GZMM: variants seen among roughly 807,000 people sequenced by gnomAD.
GZMM encodes granzyme M.
In GZMM, 23 loss-of-function variants were observed where a neutral mutation model predicts 19.2. The ratio of observed to expected loss-of-function variants is 1.20; its 90% CI spans 0.86 to 1.69. GZMM has a LOEUF of 1.69. Ranked by LOEUF, GZMM falls within the 40% of genes most tolerant of loss-of-function variation. The pLI is 0.00. For synonymous variants in GZMM, 178 were observed against 160.2 expected (o/e 1.11, Z -0.84); for missense variants, 373 against 352.2 (o/e 1.06, Z -0.47).
Position 549,652 on chromosome 19 carries a change from T to C in GZMM, c.635T>C (p.Val212Ala). The change falls in exon 5 of 5, where the codon GTG (valine) becomes GCG (alanine). Residue 212 changes from valine to alanine, a missense_variant. Val to Ala is a moderately conservative substitution (Grantham distance 64, BLOSUM62 0). Coordinates refer to ENST00000264553, the MANE Select transcript of GZMM (RefSeq NM_005317.4). ...CAGGGTGACTCGGGCGGGCCCCTGG[T>C]GTGTGGCAAAGGCCGGGTGTTGGCC... ...PCKGDSGGPL[V>A]CGKGRVLARV... is the part of the protein sequence containing the mutation. 4 of 1,613,136 alleles carry C rather than the reference T, an allele frequency of 2.5e-6. No individual in the cohort carries two copies. Among genetic ancestry groups the C allele is most frequent in the Non-Finnish European group, 8.5e-7 (1 of 1,179,822 alleles).
rs772339249 is a variant in GZMM at position 548,569 on chromosome 19, G to GCTCCACACCCTGGACAGC, written c.242_259dup (p.Leu81_Ser86dup). 6.2e-7 allele frequency: 1 copy of GCTCCACACCCTGGACAGC among 1,613,360 alleles called. No homozygotes were observed. Among genetic ancestry groups the GCTCCACACCCTGGACAGC allele is most frequent in the Non-Finnish European group, 8.5e-7 (1 of 1,179,672 alleles). ...TGGCCCAGCTGAGGCTGGTGCTGGG[G>GCTCCACACCCTGGACAGC]CTCCACACCCTGGACAGCCCCGGTC... On this transcript the variant is annotated inframe_insertion, in exon 3 of 5. Coordinates refer to ENST00000264553, the MANE Select transcript of GZMM (RefSeq NM_005317.4).
chr19:549,245 C>T (rs537030596), intron 4 of GZMM, 60 bp downstream of exon 4: 3 of 1,478,674 alleles, frequency 2.0e-6, no homozygotes, highest in African/African-American at 2.8e-5. Flanking sequence ...GGGGCCAGGG[C>T]AGCCGCCGGG....
At position 549,759 on chromosome 19, in the gene GZMM, TG is replaced by T. The variant is rs1375759623; in HGVS notation, c.744del (p.Trp248Ter). ...VATAVAPYVS[W>X]IRKVTGRSA ...CACCGCTGTGGCGCCTTACGTGTCC[TG>T]GATCAGGAAGGTCACCGGCCGATCG... is the stretch of plus-strand genomic sequence containing the variant. On this transcript the variant is annotated frameshift_variant, in exon 5 of 5. Transcript: ENST00000264553. LOFTEE classifies it low-confidence loss of function (END_TRUNC). 2 of 1,613,082 alleles carry T rather than the reference TG, an allele frequency of 1.2e-6. No individual in the cohort carries two copies. The highest frequency in any genetic ancestry group is 1.7e-6 in the Non-Finnish European group (2 of 1,179,782).
chr19:546,464 C>A (rs943292966), intron 1 of GZMM, among the ~76,000 whole-genome samples: 7 of 148,454 alleles, frequency 4.7e-5, no homozygotes, highest in African/African-American at 1.7e-4. Flanking sequence ...TCGCTTGAAC[C>A]CAGGAGGCAG....
intron 1 of GZMM, 27 bp downstream of exon 1, chr19:544,153 G>C (rs1333902890): frequency 1.3e-6 from 2 of 1,541,976 alleles, no homozygotes; most frequent in Admixed American, 2.0e-5. Flanking sequence ...ATGCAGGGGG[G>C]ACACTGAGGC....
At chr19:549,217 G>A (rs1347753123) in intron 4 of GZMM, 32 bp downstream of exon 4, 1 of 1,542,250 alleles carries the variant, frequency 6.5e-7, no homozygotes, top group Non-Finnish European at 8.8e-7. Context: ...CTGGGGGAAT[G>A]AGGCTGGCGG....
In GZMM at chr19:549,689, C is replaced by T; in HGVS notation, c.672C>T (p.Ser224=). Residue 224 remains serine (S), a synonymous_variant, in exon 5 of 5, where the codon TCC becomes TCT. Coordinates refer to ENST00000264553, the MANE Select transcript of GZMM (RefSeq NM_005317.4). ...GCCGGGTGTTGGCCAGAGTCCTGTC[C>T]TTCAGCTCCAGGGTCTGCACTGACA... ...GKGRVLARVL[S]FSSRVCTDIF... is the part of the protein sequence containing the mutation. 3 of 1,613,806 alleles carry T rather than the reference C, an allele frequency of 1.9e-6. No individual in the cohort carries two copies. In the South Asian group the frequency reaches 3.3e-5, roughly 18 times the overall value.
chr19:548,677 G>A lies in GZMM; in HGVS notation c.348G>A (p.Gln116=). ...PALENDLALL[Q]LDGKVKPSRT... ...TGGAGAACGACCTCGCGCTGCTTCAGGTGTGCAGGGACGGGACAGGGAGAA... is the reference window on the plus strand; with the variant it reads ...TGGAGAACGACCTCGCGCTGCTTCAAGTGTGCAGGGACGGGACAGGGAGAA... Residue 116 remains glutamine, a splice_region_variant and synonymous_variant, in exon 3 of 5, where the codon CAG becomes CAA. Transcript: ENST00000264553. 1.9e-6 allele frequency: 3 copies of A among 1,612,212 alleles called. No homozygotes were observed. Among genetic ancestry groups the A allele is most frequent in the Middle Eastern group, 1.7e-4 (1 of 6,054 alleles).
chr19:545,147 A>C (rs1432082851), intron 1 of GZMM, among the ~76,000 whole-genome samples: 2 of 114,770 alleles, frequency 1.7e-5, no homozygotes, highest in Non-Finnish European at 3.6e-5. Flanking sequence ...CCGTATTTGC[A>C]GGGCTCGTGC....
At chr19:545,533 G>C (rs797012546) in intron 1 of GZMM, among the ~76,000 whole-genome samples, 1 of 152,006 alleles carries the variant, frequency 6.6e-6, no homozygotes, top group Non-Finnish European at 1.5e-5. Flanking sequence ...TTTTAGTAGA[G>C]ACAGGGTTTC....
chr19:549,223 G>T, intron 4 of GZMM, 38 bp downstream of exon 4: 1 of 1,533,480 alleles, frequency 6.5e-7, no homozygotes, highest in Non-Finnish European at 8.8e-7. Context: ...GAATGAGGCT[G>T]GCGGGAGGGC....
At chr19:545,119 G>A (rs1033032303) in intron 1 of GZMM, among the ~76,000 whole-genome samples, 3 of 118,148 alleles carry the variant, frequency 2.5e-5, no homozygotes, top group Admixed American at 1.6e-4. Context: ...CCTTTCTCCC[G>A]TGCTTCTGTG....
At chr19:548,484 T>G (rs1341490856) in intron 2 of GZMM, 58 bp from the exon 3 acceptor site, 2 of 1,572,320 alleles carry the variant, frequency 1.3e-6, no homozygotes, top group Non-Finnish European at 1.7e-6. Context: ...CGGGACTGCA[T>G]GTGGCGGGTC....
intron 4 of GZMM, 115 bp from the exon 5 acceptor site, chr19:549,515 T>C (rs112722986): frequency 0.088 from 96,771 of 1,096,178 alleles, 5,019 homozygotes; most frequent in Middle Eastern, 0.13. Flanking sequence ...GAGCAGCCCC[T>C]GTGTCTCCTT....
chr19:547,442 T>A lies in GZMM; in HGVS notation c.212+6T>A. The stretch of plus-strand genomic sequence containing the variant: ...GCCCACTGCCTGGCCCAGCGGTGAG[T>A]ACCCTGCCCTGCCCACCCCAGGGGT... On this transcript the variant is annotated splice_donor_region_variant and intron_variant, in intron 2 of 4. Transcript: ENST00000264553. 7.1e-7 allele frequency: 1 copy of A among 1,406,800 alleles called. No homozygotes were observed. The highest frequency in any genetic ancestry group is 2.7e-5 in the Admixed American group (1 of 37,216). 87.1% of individuals were successfully genotyped at this position (1,406,800 alleles called of 1,614,324 possible).
intron 3 of GZMM, 24 bp downstream of exon 3, chr19:548,701 A>T: frequency 6.2e-7 from 1 of 1,609,426 alleles, no homozygotes; most frequent in East Asian, 2.2e-5. Context: ...GGACAGGGAG[A>T]ACTGGGCACC....
intron 1 of GZMM, among the ~76,000 whole-genome samples, chr19:545,870 C>G (rs1053385331): frequency 1.3e-5 from 2 of 151,814 alleles, no homozygotes; most frequent in African/African-American, 4.8e-5. Flanking sequence ...GTCTCGATCT[C>G]CTGACCTCGT....
chr19:548,494 C>G (rs767765845), intron 2 of GZMM, 48 bp from the exon 3 acceptor site: 23 of 1,591,122 alleles, frequency 1.4e-5, no homozygotes, highest in Non-Finnish European at 1.9e-5. Context: ...TGTGGCGGGT[C>G]GTCCACGCCG....
intron 1 of GZMM, among the ~76,000 whole-genome samples, chr19:545,303 A>T (rs1284197856): frequency 6.6e-6 from 1 of 152,044 alleles, no homozygotes; most frequent in Non-Finnish European, 1.5e-5. Context: ...CCGGTGGGGG[A>T]AAGGTACGCA....
Sources: allele counts gnomAD v4.1 joint callset (sites outside exome capture counted in the v4.1 genomes callset), GRCh38; gene constraint gnomAD v4.1.1; transcripts MANE v1.5; gene names NCBI Gene and HGNC (gene_info 2026-07-23, HGNC 2026-07-21).